The following BRD8 variants were observed in gnomAD, a reference collection of about 807,000 sequenced individuals.
BRD8 encodes the protein bromodomain-containing protein 8.
BRD8 carries 67 observed loss-of-function variants against 143.1 expected under a neutral mutation model. That is an observed-to-expected ratio of 0.47 (90% confidence interval 0.38 to 0.57). The LOEUF (loss-of-function observed/expected upper bound fraction) is 0.57. Among genes scored for constraint, BRD8 ranks in the 20% least tolerant of loss-of-function variants. BRD8 has a pLI of 0.00. For missense variants in BRD8, 1,103 were observed against 1,503.0 expected (o/e 0.73, Z 4.40); for synonymous variants, 505 against 517.1 (o/e 0.98, Z 0.32).
At chr5:138,142,332 T>C (rs1320248752) in intron 25 of BRD8, among the ~76,000 whole-genome samples, 1 of 152,196 alleles carries the variant, frequency 6.6e-6, no homozygotes, top group East Asian at 1.9e-4. Context: ...CATAGATTTC[T>C]ATTATTTATA....
Position 138,172,081 on chromosome 5 carries a change from T to A in BRD8, c.170A>T (p.Asp57Val). Residue 57 changes from aspartate to valine, a missense_variant, in exon 3 of 27, where the codon GAC (aspartate) becomes GTC (valine). By Grantham distance (152) the Asp-to-Val change is radical. This residue lies in a region of BRD8 where 69 missense variants were observed against 121.6 expected (regional missense o/e 0.57). Coordinates refer to ENST00000254900, the MANE Select transcript of BRD8 (RefSeq NM_139199.2). ...GGAACTTACTTTTTGAGAGAACCAGTCTGGAGGGCGGCCAGGTTCTGCAAA... is the reference window on the plus strand; with the variant it reads ...GGAACTTACTTTTTGAGAGAACCAGACTGGAGGGCGGCCAGGTTCTGCAAA... ...KPFAEPGRPP[D>V]WFSQKHCASQ... is the part of the protein sequence containing the mutation. The A allele has an allele frequency of 6.2e-7, 1 of 1,613,592 alleles. No homozygotes were observed. The highest frequency in any genetic ancestry group is 8.5e-7 in the Non-Finnish European group (1 of 1,179,850).
At chr5:138,164,495 G>A (rs969196525) in intron 12 of BRD8, 82 bp from the exon 13 acceptor site, 1 of 1,379,850 alleles carries the variant, frequency 7.2e-7, no homozygotes, top group African/African-American at 1.4e-5. Context: ...GTGATAATGA[G>A]ACCATAGAAG....
intron 25 of BRD8, 85 bp from the exon 26 acceptor site, chr5:138,140,967 C>T (rs1038091749): frequency 4.4e-6 from 6 of 1,377,298 alleles, no homozygotes; most frequent in East Asian, 2.3e-5. Flanking sequence ...GAAGAACTAA[C>T]CAGTTCTTAA....
Position 138,160,879 on chromosome 5 carries a change from T to A in BRD8, c.2427+12A>T, listed in dbSNP as rs1752952067. On this transcript the variant is annotated intron_variant, in intron 18 of 26. Coordinates refer to ENST00000254900, the MANE Select transcript of BRD8 (RefSeq NM_139199.2). ...TTCATCCTTGCTGAAACACAAAGGA[T>A]CCTCAAAGTACCTGGATCTGTTCCA... is the stretch of plus-strand genomic sequence containing the variant. 1 of 1,555,246 alleles carries A rather than the reference T, an allele frequency of 6.4e-7. No individual in the cohort carries two copies. The highest frequency in any genetic ancestry group is 8.7e-7 in the Non-Finnish European group (1 of 1,148,542).
At chr5:138,143,768 C>T (rs939947563) in intron 25 of BRD8, among the ~76,000 whole-genome samples, 1 of 151,926 alleles carries the variant, frequency 6.6e-6, no homozygotes, top group Non-Finnish European at 1.5e-5. Context: ...TCTGTAAAAA[C>T]GCACCAAAAA....
At chr5:138,145,286 C>A (rs752964907) in intron 24 of BRD8, 41 bp from the exon 25 acceptor site, 13 of 1,587,616 alleles carry the variant, frequency 8.2e-6, no homozygotes, top group Admixed American at 1.8e-5. Flanking sequence ...GAAACCCTGG[C>A]AAGGCACTCT....
At chr5:138,162,222 C>CCCTGTCTCAAAA in intron 15 of BRD8, 76 bp from the exon 16 acceptor site, 1 of 1,174,974 alleles carries the variant, frequency 8.5e-7, no homozygotes, top group Non-Finnish European at 1.2e-6. Context: ...CTTTTTGAGA[C>CCCTGTCTCAAAA]AGGGTCTCAC....
At chr5:138,147,120 G>A (rs780715375) in intron 23 of BRD8, among the ~76,000 whole-genome samples, 35 of 151,254 alleles carry the variant, frequency 2.3e-4, no homozygotes, top group Non-Finnish European at 3.8e-4. Context: ...ATTTTAAACT[G>A]TATCCTATTT....
At chr5:138,174,746 A>G (rs1053669176) in intron 2 of BRD8, among the ~76,000 whole-genome samples, 1 of 152,192 alleles carries the variant, frequency 6.6e-6, no homozygotes, top group African/African-American at 2.4e-5. Flanking sequence ...ACCGTGAACC[A>G]TAAGATAACC....
intron 23 of BRD8, among the ~76,000 whole-genome samples, chr5:138,147,670 T>C (rs866490905): frequency 1.3e-5 from 2 of 152,128 alleles, no homozygotes; most frequent in African/African-American, 4.8e-5. Context: ...GATGCAGTAG[T>C]TCATGCCTAT....
chr5:138,171,429 A>G lies in BRD8; in HGVS notation c.187-19T>C. 1 of 1,512,114 alleles carries G rather than the reference A, an allele frequency of 6.6e-7. No individual in the cohort carries two copies. The highest frequency in any genetic ancestry group is 2.2e-5 in the East Asian group (1 of 44,506). 93.7% of individuals were successfully genotyped at this position (1,512,114 alleles called of 1,614,324 possible). On this transcript the variant is annotated intron_variant, in intron 3 of 26. Transcript: ENST00000254900. The stretch of plus-strand genomic sequence containing the variant: ...CACAATGCTATTAAAAAAAAAAAAA[A>G]AAGTGAAAATGTGATGAGCAAGGCT...
chr5:138,146,969 CAAAAAAAA>C (rs60597015), intron 23 of BRD8, among the ~76,000 whole-genome samples: 1 of 49,050 alleles, frequency 2.0e-5, no homozygotes, highest in Non-Finnish European at 4.4e-5. Flanking sequence ...AACTCCGTCT[CAAAAAAAA>C]AAAAAAAAAA....
chr5:138,145,380 T>C, intron 24 of BRD8, 135 bp from the exon 25 acceptor site: 2 of 684,018 alleles, frequency 2.9e-6, no homozygotes, highest in Non-Finnish European at 4.9e-6. Context: ...AATCTATTTG[T>C]TCCCTCTTGC....
Position 138,165,923 on chromosome 5 carries a change from C to G in BRD8, c.1183G>C (p.Asp395His). ...APSIDGKEEL[D>H]LAEKMDIAVS... is the part of the protein sequence containing the mutation. ...GCAATATCCATCTTCTCAGCCAGATCTAATTCTTCCTTCCCATCTATGCTG... is the reference window on the plus strand; with the variant it reads ...GCAATATCCATCTTCTCAGCCAGATGTAATTCTTCCTTCCCATCTATGCTG... The change falls in exon 11 of 27, where the codon GAT becomes CAT. Residue 395 changes from aspartate to histidine, a missense_variant. By Grantham distance (81) the Asp-to-His change is moderately conservative. Coordinates refer to ENST00000254900, the MANE Select transcript of BRD8 (RefSeq NM_139199.2). 1 of 1,614,224 alleles carries G rather than the reference C, an allele frequency of 6.2e-7. No individual in the cohort carries two copies.
Position 138,165,920 on chromosome 5 carries a change from G to C in BRD8, c.1186C>G (p.Leu396Val). The change falls in exon 11 of 27, where the codon CTG (leucine) becomes GTG (valine). Residue 396 changes from leucine (L) to valine (V), a missense_variant. Physicochemically the swap from Leu to Val is conservative, Grantham distance 32 (BLOSUM62 1). Transcript: ENST00000254900. The stretch of plus-strand genomic sequence containing the variant: ...ACAGCAATATCCATCTTCTCAGCCA[G>C]ATCTAATTCTTCCTTCCCATCTATG... ...PSIDGKEELDLAEKMDIAVSY... is the reference protein window; with the variant it reads ...PSIDGKEELDVAEKMDIAVSY... The C allele has an allele frequency of 6.2e-7, 1 of 1,614,164 alleles. No individual in the cohort carries two copies. Among genetic ancestry groups the C allele is most frequent in the East Asian group, 2.2e-5 (1 of 44,874 alleles).
At chr5:138,167,829 G>T in intron 9 of BRD8, 105 bp downstream of exon 9, 1 of 1,014,540 alleles carries the variant, frequency 9.9e-7, no homozygotes, top group Non-Finnish European at 1.5e-6. Context: ...GAAAAAGTTG[G>T]GCTTTAAATC....
chr5:138,143,063 C>G (rs1427752540), intron 25 of BRD8, among the ~76,000 whole-genome samples: 1 of 152,016 alleles, frequency 6.6e-6, no homozygotes, highest in South Asian at 2.1e-4. Flanking sequence ...GGTGGGTGAA[C>G]TGCATGAGCC....
chr5:138,169,444 C>A (rs1753699601), intron 7 of BRD8, 86 bp from the exon 8 acceptor site: 1 of 1,443,004 alleles, frequency 6.9e-7, no homozygotes, highest in Non-Finnish European at 9.5e-7. Context: ...CAATAAAGGA[C>A]AAATAGGTAT....
chr5:138,164,226 T>C, intron 13 of BRD8, 93 bp from the exon 14 acceptor site: 1 of 1,572,850 alleles, frequency 6.4e-7, no homozygotes, highest in Non-Finnish European at 8.7e-7. Context: ...CTTTACATGC[T>C]GACCTGTTCT....
Sources: gnomAD v4.1 joint callset for allele counts (sites outside exome capture counted in the v4.1 genomes callset) on GRCh38, gnomAD v4.1.1 for gene constraint, gnomAD v4.1.1 regional missense constraint, MANE v1.5 for transcripts, NCBI Gene and HGNC (gene_info 2026-07-23, HGNC 2026-07-21) for gene names.